Variants in E2F4 observed in about 807,000 individuals in gnomAD.
The protein encoded by E2F4 is transcription factor E2F4.
E2F4 carries 16 observed loss-of-function variants against 44.5 expected under a neutral mutation model. The ratio of observed to expected loss-of-function variants is 0.36; its 90% CI spans 0.24 to 0.55. The LOEUF (loss-of-function observed/expected upper bound fraction) is 0.55. E2F4 is among the 20% of genes least tolerant of loss of function. The pLI is 0.87. For missense variants in E2F4, 473 were observed against 522.1 expected, an observed-to-expected ratio of 0.91 and a Z score of 0.92; for synonymous variants, 242 against 207.2, an observed-to-expected ratio of 1.17 and a Z score of -1.44.
In E2F4 at chr16:67,198,465, A is replaced by G; in HGVS notation, c.*342A>G. ...TAGGGGGCAGTGTCTTGTTCCTGCC[A>G]GCCTCAGTGTCTTGCTTCTGCCAGC... On this transcript the variant is annotated 3_prime_UTR_variant, in exon 10 of 10. Transcript: ENST00000379378. The G allele has an allele frequency of 3.5e-6, 1 of 282,656 alleles. No individual in the cohort carries two copies. The highest frequency in any genetic ancestry group is 2.2e-5 in the African/African-American group (1 of 46,064). The allele number at this position is 282,656 out of a possible 1,614,324, so 17.5% of individuals were successfully genotyped here.
intron 7 of E2F4, among the ~76,000 whole-genome samples, chr16:67,196,260 C>G (rs2032968456): frequency 6.6e-6 from 1 of 152,154 alleles, no homozygotes; most frequent in Admixed American, 6.5e-5. Context: ...TGACACTTCT[C>G]TGTATCACTC....
chr16:67,193,257 T>C, intron 3 of E2F4, 87 bp downstream of exon 3: 1 of 1,525,734 alleles, frequency 6.6e-7, no homozygotes, highest in Non-Finnish European at 8.8e-7. Flanking sequence ...CTTGGGAGTT[T>C]GTCTTATAGC....
At chr16:67,194,283 C>T in intron 4 of E2F4, 115 bp from the exon 5 acceptor site, 1 of 1,123,734 alleles carries the variant, frequency 8.9e-7, no homozygotes. Context: ...GGGTGAGGCC[C>T]ACTGTCTAGT....
chr16:67,196,120 G>A (rs892365844), intron 7 of E2F4, 114 bp downstream of exon 7: 13 of 1,485,214 alleles, frequency 8.8e-6, no homozygotes, highest in South Asian at 7.4e-5. Context: ...TGCTGGACAC[G>A]AGAGCTCTCT....
rs978724471 is a variant in E2F4, at chr16:67,198,390, C to T, written c.*267C>T. On this transcript the variant is annotated 3_prime_UTR_variant, in exon 10 of 10. Coordinates refer to ENST00000379378, the MANE Select transcript of E2F4 (RefSeq NM_001950.4). ...TTTCTGCGGCCTTCGCCAGCCCAGG[C>T]TCGGCTGCCACCCAGTGGCACAGAA... The T allele has an allele frequency of 3.0e-5, 14 of 464,322 alleles. No homozygotes were observed. The highest frequency in any genetic ancestry group is 5.5e-5 in the Non-Finnish European group (14 of 252,926). 28.8% of individuals were successfully genotyped at this position (464,322 alleles called of 1,614,324 possible).
At position 67,198,514 on chromosome 16, in the gene E2F4, G is replaced by T; in HGVS notation, c.*391G>T. On this transcript the variant is annotated 3_prime_UTR_variant, in exon 10 of 10. Transcript: ENST00000379378. Reference sequence around the variant, plus strand: ...GCTCCTTCCCCTAGGAGGGAAGGGTGGGGTGGAACTGGGCACATGCCAGCA... The same window carrying T: ...GCTCCTTCCCCTAGGAGGGAAGGGTTGGGTGGAACTGGGCACATGCCAGCA... 1 of 234,926 alleles carries T rather than the reference G, an allele frequency of 4.3e-6. No homozygotes were observed. Among genetic ancestry groups the T allele is most frequent in the Non-Finnish European group, 8.5e-6 (1 of 117,296 alleles). The allele number at this position is 234,926 out of a possible 1,614,324, so 14.6% of individuals were successfully genotyped here.
chr16:67,195,105 C>A, intron 6 of E2F4, 125 bp downstream of exon 6: 1 of 1,227,838 alleles, frequency 8.1e-7, no homozygotes, highest in Non-Finnish European at 1.1e-6. Flanking sequence ...ACCACCTAGC[C>A]TTCCCTTGCT....
chr16:67,197,085 C>G (rs2032980699), intron 7 of E2F4, among the ~76,000 whole-genome samples: 1 of 152,204 alleles, frequency 6.6e-6, no homozygotes, highest in Admixed American at 6.5e-5. Flanking sequence ...TGAGGGCCAC[C>G]AGATAAGATC....
chr16:67,192,983 C>T (rs1055980173), intron 2 of E2F4, 26 bp from the exon 3 acceptor site: 2 of 1,562,802 alleles, frequency 1.3e-6, no homozygotes, highest in Non-Finnish European at 1.7e-6. Flanking sequence ...TCAGCAGTCC[C>T]TCTCAGCCCC....
At position 67,197,853 on chromosome 16, in the gene E2F4, C is replaced by G. The variant is rs752244507; in HGVS notation, c.1082-14C>G. On this transcript the variant is annotated splice_polypyrimidine_tract_variant and intron_variant, in intron 8 of 9. Coordinates refer to ENST00000379378, the MANE Select transcript of E2F4 (RefSeq NM_001950.4). ...GAGCTGGAATGTTAGTAACTGAGCTCCCTCCATTCCCAGAGTGCATGAGCT... is the reference window on the plus strand; with the variant it reads ...GAGCTGGAATGTTAGTAACTGAGCTGCCTCCATTCCCAGAGTGCATGAGCT... 5 of 1,613,854 alleles carry G rather than the reference C, an allele frequency of 3.1e-6. No homozygotes were observed. Among genetic ancestry groups the G allele is most frequent in the Admixed American group, 3.3e-5 (2 of 59,988 alleles).
chr16:67,192,573 C>A, intron 1 of E2F4, 188 bp from the exon 2 acceptor site: 1 of 961,230 alleles, frequency 1.0e-6, no homozygotes, highest in Non-Finnish European at 1.5e-6. Flanking sequence ...GGTGTTCGTC[C>A]TCGTGGCCCT....
At position 67,194,140 on chromosome 16, in the gene E2F4, C is replaced by A; in HGVS notation, c.452-258C>A. 1.0e-5 allele frequency: 5 copies of A among 502,470 alleles called. No homozygotes were observed. The South Asian group carries it at 1.3e-4, about 13-fold the overall frequency. The allele number at this position is 502,470 out of a possible 1,614,324, so 31.1% of individuals were successfully genotyped here. ...AGAACACCCTCACCTAGGGATCAGC[C>A]ATCGGTAGAGGAATGAGGTGCCTGT... On this transcript the variant is annotated intron_variant, in intron 4 of 9. Coordinates refer to ENST00000379378, the MANE Select transcript of E2F4 (RefSeq NM_001950.4).
At chr16:67,194,265 T>C in intron 4 of E2F4, 133 bp from the exon 5 acceptor site, 1 of 908,716 alleles carries the variant, frequency 1.1e-6, no homozygotes, top group Non-Finnish European at 1.7e-6. Context: ...CTGGCCACTA[T>C]GGGGGATGGG....
In E2F4 at chr16:67,192,722, C is replaced by T. The variant is rs757260912; in HGVS notation, c.136-39C>T. 11 of 1,569,028 alleles carry T rather than the reference C, an allele frequency of 7.0e-6. No homozygotes were observed. The East Asian group carries it at 2.5e-4, about 36-fold the overall frequency. On this transcript the variant is annotated intron_variant, in intron 1 of 9. Coordinates refer to ENST00000379378, the MANE Select transcript of E2F4 (RefSeq NM_001950.4). ...CGTCTCAGGGTGGCTGGGGGTACACCCCAGAGTGGGGCTGAGCATTCTCCA... is the reference window on the plus strand; with the variant it reads ...CGTCTCAGGGTGGCTGGGGGTACACTCCAGAGTGGGGCTGAGCATTCTCCA...
chr16:67,194,715 T>G lies in E2F4; in HGVS notation c.543T>G (p.Ile181Met), dbSNP rs2032939980. 1 of 1,613,202 alleles carries G rather than the reference T, an allele frequency of 6.2e-7. No individual in the cohort carries two copies. The highest frequency in any genetic ancestry group is 2.2e-5 in the East Asian group (1 of 44,856). ...EGLNGQKKYQIHLKSVSGPIE... is the reference protein window; with the variant it reads ...EGLNGQKKYQMHLKSVSGPIE... ...TCAATGGGCAGAAGAAGTACCAGAT[T>G]CACCTGAAGAGTGTGAGTGGTCCCA... The change falls in exon 6 of 10, where the codon ATT becomes ATG. Residue 181 changes from isoleucine (I) to methionine (M), a missense_variant. Ile to Met is a conservative substitution (Grantham distance 10, BLOSUM62 1). Coordinates refer to ENST00000379378, the MANE Select transcript of E2F4 (RefSeq NM_001950.4).
In E2F4 at chr16:67,194,386, A is replaced by T; in HGVS notation, c.452-12A>T. ...GCCCATGGGCTCTGACCCATTCTCC[A>T]TGTCATTCTAGGAGATACCCTCTTG... is the stretch of plus-strand genomic sequence containing the variant. On this transcript the variant is annotated splice_polypyrimidine_tract_variant and intron_variant, in intron 4 of 9. Coordinates refer to ENST00000379378, the MANE Select transcript of E2F4 (RefSeq NM_001950.4). 1 of 1,613,870 alleles carries T rather than the reference A, an allele frequency of 6.2e-7. No individual in the cohort carries two copies. Among genetic ancestry groups the T allele is most frequent in the Non-Finnish European group, 8.5e-7 (1 of 1,179,900 alleles).
In E2F4 at chr16:67,193,158, T is replaced by G. The variant is rs1345859774; in HGVS notation, c.395T>G (p.Val132Gly). The part of the protein sequence containing the change: ...QQSIRNVTED[V>G]QNSCLAYVTH... ...AGCATCCGGAACGTCACAGAGGACGTGCAGAACAGCTGATATCCTCCTGGC... is the reference window on the plus strand; with the variant it reads ...AGCATCCGGAACGTCACAGAGGACGGGCAGAACAGCTGATATCCTCCTGGC... Residue 132 changes from valine (V) to glycine (G), a missense_variant, in exon 3 of 10, where the codon GTG (valine) becomes GGG (glycine). By Grantham distance (109) the Val-to-Gly change is moderately radical. This residue lies in a region of E2F4 where 119 missense variants were observed against 175.6 expected (regional missense o/e 0.68). Coordinates refer to ENST00000379378, the MANE Select transcript of E2F4 (RefSeq NM_001950.4). 6.4e-7 allele frequency: 1 copy of G among 1,570,036 alleles called. No individual in the cohort carries two copies. Among genetic ancestry groups the G allele is most frequent in the Non-Finnish European group, 8.6e-7 (1 of 1,157,290 alleles).
intron 8 of E2F4, 107 bp downstream of exon 8, chr16:67,197,753 A>G (rs2032995112): frequency 6.3e-7 from 1 of 1,599,140 alleles, no homozygotes; most frequent in African/African-American, 1.3e-5. Flanking sequence ...CGCTTATGGT[A>G]ACTGGGGCAA....
chr16:67,193,206 C>G (rs748836117), intron 3 of E2F4, 36 bp downstream of exon 3: 2 of 1,548,660 alleles, frequency 1.3e-6, no homozygotes, highest in Admixed American at 2.0e-5. Context: ...GGGGAGTGGG[C>G]AAGGGGCCCT....
Sources: allele counts gnomAD v4.1 joint callset (sites outside exome capture counted in the v4.1 genomes callset), GRCh38; gene constraint gnomAD v4.1.1; regional missense constraint gnomAD v4.1.1; transcripts MANE v1.5; gene names NCBI Gene and HGNC (gene_info 2026-07-23, HGNC 2026-07-21).